Variants in XYLT1 observed in about 807,000 individuals in gnomAD.
The protein encoded by XYLT1 is xylosyltransferase 1.
XYLT1 carries 36 observed loss-of-function variants against 91.3 expected under a neutral mutation model. The ratio of observed to expected loss-of-function variants is 0.39; its 90% CI spans 0.30 to 0.52. The LOEUF is 0.52. XYLT1 is among the 20% of genes least tolerant of loss of function. XYLT1 has a pLI of 0.68. For synonymous variants in XYLT1, 588 were observed against 532.0 expected, an observed-to-expected ratio of 1.11 and a Z score of -1.45; for missense variants, 1,242 against 1,284.5, an observed-to-expected ratio of 0.97 and a Z score of 0.51.
At chr16:17,141,036 T>C in intron 7 of XYLT1, 117 bp downstream of exon 7, 1 of 955,962 alleles carries the variant, frequency 1.0e-6, no homozygotes, top group Non-Finnish European at 1.6e-6. Context: ...TGTCTGGGTG[T>C]GTAGAGGACA....
At chr16:17,268,740 T>G (rs1158545517) in intron 2 of XYLT1, among the ~76,000 whole-genome samples, 2 of 149,108 alleles carry the variant, frequency 1.3e-5, no homozygotes, top group Non-Finnish European at 3.0e-5. Context: ...TGGTGCAATC[T>G]CGGCTCACCG....
At chr16:17,296,018 G>A (rs2034303857) in intron 2 of XYLT1, among the ~76,000 whole-genome samples, 1 of 150,270 alleles carries the variant, frequency 6.7e-6, no homozygotes, top group South Asian at 2.1e-4. Context: ...CATTCATAGA[G>A]TAAGGAAGAA....
At chr16:17,232,382 T>C (rs2033173061) in intron 3 of XYLT1, among the ~76,000 whole-genome samples, 1 of 141,072 alleles carries the variant, frequency 7.1e-6, no homozygotes, top group Admixed American at 7.5e-5. Flanking sequence ...ATACAGTGCA[T>C]GACTGTGTCT....
intron 5 of XYLT1, among the ~76,000 whole-genome samples, chr16:17,168,101 G>A (rs1030232819): frequency 6.6e-6 from 1 of 152,182 alleles, no homozygotes; most frequent in African/African-American, 2.4e-5. Flanking sequence ...CTGGAAAAAA[G>A]GCAAATCCCT....
At chr16:17,462,000 C>T (rs866978593) in intron 1 of XYLT1, among the ~76,000 whole-genome samples, 1 of 152,198 alleles carries the variant, frequency 6.6e-6, no homozygotes, top group Non-Finnish European at 1.5e-5. Flanking sequence ...ACCATAGTTG[C>T]AATGTTTGTG....
intron 5 of XYLT1, among the ~76,000 whole-genome samples, chr16:17,184,097 T>C (rs1597175492): frequency 3.3e-5 from 5 of 149,746 alleles, no homozygotes; most frequent in Non-Finnish European, 5.9e-5. Context: ...CGGGCTCACA[T>C]CCAAATTCCC....
At chr16:17,260,111 G>A (rs2033701514) in intron 2 of XYLT1, among the ~76,000 whole-genome samples, 1 of 151,342 alleles carries the variant, frequency 6.6e-6, no homozygotes, top group African/African-American at 2.4e-5. Context: ...AAGCAAACTT[G>A]CGACACTCTT....
chr16:17,420,839 C>T (rs1478621991), intron 1 of XYLT1, among the ~76,000 whole-genome samples: 2 of 152,202 alleles, frequency 1.3e-5, no homozygotes, highest in Non-Finnish European at 2.9e-5. Context: ...ACCTTACTGT[C>T]TGAATCTGTC....
chr16:17,470,050 G>A (rs184234305), intron 1 of XYLT1, among the ~76,000 whole-genome samples: 25 of 152,220 alleles, frequency 1.6e-4, no homozygotes, highest in Non-Finnish European at 3.4e-4. Context: ...AGGAACAGCG[G>A]CTGAGGATCC....
intron 2 of XYLT1, among the ~76,000 whole-genome samples, chr16:17,344,415 C>T (rs533350260): frequency 1.5e-3 from 227 of 151,020 alleles, no homozygotes; most frequent in Non-Finnish European, 2.5e-3. Flanking sequence ...ATGGCACGAA[C>T]CCGGGAGGTG....
chr16:17,286,553 T>G (rs563145485), intron 2 of XYLT1, among the ~76,000 whole-genome samples: 1 of 152,348 alleles, frequency 6.6e-6, no homozygotes, highest in East Asian at 1.9e-4. Flanking sequence ...TAAAATTGTA[T>G]GTAAAACTGG....
chr16:17,245,979 G>A (rs946389941), intron 3 of XYLT1, among the ~76,000 whole-genome samples: 2 of 152,208 alleles, frequency 1.3e-5, no homozygotes, highest in African/African-American at 4.8e-5. Context: ...CTGTGTGGGT[G>A]GGTCTCATTG....
chr16:17,316,347 T>G (rs1196761227), intron 2 of XYLT1, among the ~76,000 whole-genome samples: 1 of 152,084 alleles, frequency 6.6e-6, no homozygotes, highest in Non-Finnish European at 1.5e-5. Context: ...CCATGCAGAT[T>G]TGGGGAATTC....
intron 6 of XYLT1, among the ~76,000 whole-genome samples, chr16:17,142,887 A>C (rs2031023717): frequency 6.6e-6 from 1 of 152,110 alleles, no homozygotes. Flanking sequence ...TTTGTTACCT[A>C]CCTTTAGCTA....
chr16:17,305,607 G>C (rs1296652975), intron 2 of XYLT1, among the ~76,000 whole-genome samples: 1 of 151,718 alleles, frequency 6.6e-6, no homozygotes, highest in Non-Finnish European at 1.5e-5. Flanking sequence ...GTAGAGACAG[G>C]GTTTCACCAT....
At chr16:17,441,137 G>A (rs9930208) in intron 1 of XYLT1, among the ~76,000 whole-genome samples, 8,540 of 151,176 alleles carry the variant, frequency 0.056, 332 homozygotes, top group African/African-American at 0.098. Flanking sequence ...TCATGCCTCC[G>A]CACTCCAGCC....
intron 1 of XYLT1, among the ~76,000 whole-genome samples, chr16:17,391,881 C>G (rs1438109843): frequency 6.6e-6 from 1 of 152,186 alleles, no homozygotes; most frequent in South Asian, 2.1e-4. Flanking sequence ...TCACTTGGCT[C>G]TTATTCTCTG....
rs150475769 is a variant in XYLT1, at chr16:17,204,466, T to C, written c.914-3812A>G. The stretch of plus-strand genomic sequence containing the variant: ...CCCAGAGCTCTTCTGAGTACAGCTA[T>C]TCTGGGGAAGGGGTGGGTGGGAAGG... On this transcript the variant is annotated intron_variant, in intron 3 of 11. Coordinates refer to ENST00000261381, the MANE Select transcript of XYLT1 (RefSeq NM_022166.4). Among the ~76,000 whole-genome samples, 97 of 151,750 alleles carry C rather than the reference T, an allele frequency of 6.4e-4. 1 individual carries two copies. The highest frequency in any genetic ancestry group is 2.3e-3 in the African/African-American group (95 of 41,320).
intron 2 of XYLT1, among the ~76,000 whole-genome samples, chr16:17,264,213 C>T (rs187745958): frequency 6.6e-6 from 1 of 152,292 alleles, no homozygotes; most frequent in East Asian, 1.9e-4. Flanking sequence ...TGTCCATCAG[C>T]AACTCCCCAT....
Sources: allele counts gnomAD v4.1 joint callset (sites outside exome capture counted in the v4.1 genomes callset), GRCh38; gene constraint gnomAD v4.1.1; transcripts MANE v1.5; gene names NCBI Gene and HGNC (gene_info 2026-07-23, HGNC 2026-07-21).